CHRNB3: variants seen among roughly 807,000 people sequenced by gnomAD.
The protein encoded by CHRNB3 is neuronal acetylcholine receptor subunit beta-3.
In CHRNB3, 37 loss-of-function variants were observed where a neutral mutation model predicts 40.6. The observed-to-expected ratio is 0.91, with a 90% CI of 0.70 to 1.20. CHRNB3 has a LOEUF of 1.20. CHRNB3 is among the 50% of genes most tolerant of loss of function. The pLI is 0.00. For missense variants in CHRNB3, 505 were observed against 551.2 expected, an observed-to-expected ratio of 0.92 and a Z score of 0.84; for synonymous variants, 207 against 207.1, an observed-to-expected ratio of 1.00 and a Z score of 0.00.
At chr8:42,727,247 C>T (rs541864239) in intron 3 of CHRNB3, among the ~76,000 whole-genome samples, 3 of 151,892 alleles carry the variant, frequency 2.0e-5, no homozygotes, top group African/African-American at 7.2e-5. Flanking sequence ...GTGGCACATG[C>T]CTATAATCCC....
intron 1 of CHRNB3, among the ~76,000 whole-genome samples, chr8:42,700,669 G>A (rs539262625): frequency 4.6e-4 from 70 of 152,202 alleles, no homozygotes; most frequent in African/African-American, 1.5e-3. Context: ...GGCATTATCA[G>A]TAAAACCATA....
At chr8:42,718,667 T>G (rs1323689836) in intron 3 of CHRNB3, among the ~76,000 whole-genome samples, 1 of 78,814 alleles carries the variant, frequency 1.3e-5, no homozygotes, top group South Asian at 6.4e-4. Flanking sequence ...AGCAAGACTC[T>G]GTCTCAAAAA....
At chr8:42,705,631 T>C (rs1489422787) in intron 1 of CHRNB3, 1 of 152,276 alleles carries the variant, frequency 6.6e-6, no homozygotes, top group East Asian at 1.9e-4. Context: ...AATAAATTTC[T>C]GTTCATTATA....
At chr8:42,722,521 C>T (rs1055705664) in intron 3 of CHRNB3, among the ~76,000 whole-genome samples, 2 of 151,980 alleles carry the variant, frequency 1.3e-5, no homozygotes, top group African/African-American at 4.8e-5. Flanking sequence ...GGACACAGTA[C>T]AGTATGATTT....
chr8:42,737,274 G>T lies in CHRNB3; in HGVS notation c.*656G>T, dbSNP rs1029955684. 11 of 152,352 alleles carry T rather than the reference G, an allele frequency of 7.2e-5. No individual in the cohort carries two copies. Among genetic ancestry groups the T allele is most frequent in the African/African-American group, 2.2e-4 (9 of 41,548 alleles). The allele number at this position is 152,352 out of a possible 1,614,324, so 9.4% of individuals were successfully genotyped here. ...ATAAGGCTTTCAGATGGTGAAACTG[G>T]AGCCCACTGTGAGCTGTGACTTCCT... On this transcript the variant is annotated 3_prime_UTR_variant, in exon 6 of 6. Coordinates refer to ENST00000289957, the MANE Select transcript of CHRNB3 (RefSeq NM_000749.5).
At chr8:42,702,911 G>A (rs1041732863) in intron 1 of CHRNB3, among the ~76,000 whole-genome samples, 2 of 152,110 alleles carry the variant, frequency 1.3e-5, no homozygotes, top group African/African-American at 4.8e-5. Context: ...TTGCAATAAG[G>A]GAAGATGGCT....
intron 2 of CHRNB3, among the ~76,000 whole-genome samples, chr8:42,709,639 AT>A (rs1357776108): frequency 6.6e-6 from 1 of 151,868 alleles, no homozygotes; most frequent in Admixed American, 6.6e-5. Context: ...CATTATTATT[AT>A]TGTTGTTGTT....
chr8:42,732,898 G>A (rs1287327801), intron 5 of CHRNB3, among the ~76,000 whole-genome samples: 1 of 152,070 alleles, frequency 6.6e-6, no homozygotes, highest in African/African-American at 2.4e-5. Flanking sequence ...TTCATTGGAT[G>A]ATAAATATGT....
At chr8:42,701,698 C>T (rs1344930082) in intron 1 of CHRNB3, among the ~76,000 whole-genome samples, 1 of 152,208 alleles carries the variant, frequency 6.6e-6, no homozygotes, top group Non-Finnish European at 1.5e-5. Flanking sequence ...ACAGAGGTGT[C>T]TCTCCAATCC....
rs565215151 is a variant in CHRNB3, at chr8:42,703,145, C to T, written c.52+5547C>T. Among the ~76,000 whole-genome samples the T allele has an allele frequency of 8.6e-4, 131 of 151,984 alleles. 2 individuals are homozygous for T. Among genetic ancestry groups the T allele is most frequent in the Admixed American group, 4.0e-3 (61 of 15,246 alleles). On this transcript the variant is annotated intron_variant, in intron 1 of 5. Coordinates refer to ENST00000289957, the MANE Select transcript of CHRNB3 (RefSeq NM_000749.5). The stretch of plus-strand genomic sequence containing the variant: ...CTTCTGTAAGAGATTCATCCATGTC[C>T]GGGAGTGGTGGCTCATGCCTGTAAT...
At chr8:42,721,394 C>T (rs996652569) in intron 3 of CHRNB3, among the ~76,000 whole-genome samples, 3 of 152,074 alleles carry the variant, frequency 2.0e-5, no homozygotes, top group African/African-American at 4.8e-5. Context: ...TACCCTCCCC[C>T]GGAAGCAGGA....
At position 42,730,657 on chromosome 8, in the gene CHRNB3, G is replaced by T. The variant is rs377712071; in HGVS notation, c.313G>T (p.Val105Phe). The change falls in exon 4 of 6, where the codon GTT (valine) becomes TTT (phenylalanine). Residue 105 changes from valine (V) to phenylalanine (F), a missense_variant. Physicochemically the swap from Val to Phe is conservative, Grantham distance 50. Transcript: ENST00000289957. ...DDYGGIHSIK[V>F]PSESLWLPDI... ...TTATGGTGGGATCCATTCCATTAAA[G>T]TTCCATCAGAATCTCTGTGGCTTCC... 2.5e-6 allele frequency: 4 copies of T among 1,611,300 alleles called. No individual in the cohort carries two copies. The highest frequency in any genetic ancestry group is 1.3e-5 in the African/African-American group (1 of 74,866).
intron 3 of CHRNB3, among the ~76,000 whole-genome samples, chr8:42,721,605 T>A (rs1327263040): frequency 3.3e-5 from 5 of 151,954 alleles, no homozygotes; most frequent in African/African-American, 9.7e-5. Flanking sequence ...ACTCCTGTAG[T>A]CCCAGATACT....
At position 42,731,768 on chromosome 8, in the gene CHRNB3, C is replaced by G. The variant is rs750276976; in HGVS notation, c.461C>G (p.Thr154Ser). Residue 154 changes from threonine (T) to serine (S), a missense_variant, in exon 5 of 6, where the codon ACC (threonine) becomes AGC (serine). Transcript: ENST00000289957. ...TPPASYKSSCTMDVTFFPFDR... is the reference protein window; with the variant it reads ...TPPASYKSSCSMDVTFFPFDR... ...CCCGCCAGCTACAAAAGCTCCTGCA[C>G]CATGGACGTCACGTTTTTCCCGTTC... 2 of 1,614,082 alleles carry G rather than the reference C, an allele frequency of 1.2e-6. No individual in the cohort carries two copies. Among genetic ancestry groups the G allele is most frequent in the Non-Finnish European group, 1.7e-6 (2 of 1,180,026 alleles).
At chr8:42,714,416 C>T (rs1169197499) in intron 3 of CHRNB3, among the ~76,000 whole-genome samples, 2 of 151,958 alleles carry the variant, frequency 1.3e-5, no homozygotes, top group African/African-American at 2.4e-5. Context: ...GCAGGAGAAT[C>T]GGTTGTACCT....
At chr8:42,728,132 A>G (rs547050130) in intron 3 of CHRNB3, among the ~76,000 whole-genome samples, 1 of 152,196 alleles carries the variant, frequency 6.6e-6, no homozygotes, top group Non-Finnish European at 1.5e-5. Flanking sequence ...GAAAACAAAC[A>G]ACTTGATTAA....
intron 5 of CHRNB3, among the ~76,000 whole-genome samples, chr8:42,735,226 C>A (rs980828124): frequency 1.3e-5 from 2 of 149,352 alleles, no homozygotes; most frequent in Admixed American, 6.7e-5. Context: ...TCTCAAAAAA[C>A]AAACAAACAA....
intron 1 of CHRNB3, among the ~76,000 whole-genome samples, chr8:42,708,325 G>A (rs1034002755): frequency 1.3e-5 from 2 of 152,118 alleles, no homozygotes; most frequent in African/African-American, 2.4e-5. Flanking sequence ...AATTAGCCGG[G>A]TGTGGTGGCA....
At chr8:42,714,217 C>T (rs992355755) in intron 3 of CHRNB3, among the ~76,000 whole-genome samples, 3 of 152,140 alleles carry the variant, frequency 2.0e-5, no homozygotes, top group South Asian at 2.1e-4. Context: ...GCTTTTTGGC[C>T]GGGCGTGGTG....
Sources: allele counts gnomAD v4.1 joint callset (sites outside exome capture counted in the v4.1 genomes callset), GRCh38; gene constraint gnomAD v4.1.1; transcripts MANE v1.5; gene names NCBI Gene and HGNC (gene_info 2026-07-23, HGNC 2026-07-21).